Variants in CFAP299 observed in about 807,000 individuals in gnomAD.
CFAP299 encodes cilia and flagella associated protein 299, also known as cilia- and flagella-associated protein 299.
A neutral mutation model predicts 27.0 loss-of-function variants in CFAP299; 21 were observed. That is an observed-to-expected ratio of 0.78 (90% CI 0.55 to 1.12). The LOEUF (loss-of-function observed/expected upper bound fraction) is 1.12, where lower values mean the gene tolerates loss of function less well. Ranked by LOEUF, CFAP299 falls within the 50% of genes most tolerant of loss-of-function variation. The pLI, the probability that CFAP299 is intolerant of heterozygous loss-of-function variation, is 0.00. For synonymous variants in CFAP299, 104 were observed against 98.1 expected, an observed-to-expected ratio of 1.06 and a Z score of -0.36; for missense variants, 310 against 276.6, an observed-to-expected ratio of 1.12 and a Z score of -0.86.
rs114952113 is a variant in CFAP299 at position 80,685,244 on chromosome 4, A to G, written c.333+102061A>G. Among the ~76,000 whole-genome samples the G allele has an allele frequency of 5.8e-3, 880 of 152,236 alleles. 6 individuals carry two copies. Among genetic ancestry groups the G allele is most frequent in the African/African-American group, 0.02 (821 of 41,538 alleles). On this transcript the variant is annotated intron_variant, in intron 3 of 5. Coordinates refer to ENST00000358105, the MANE Select transcript of CFAP299 (RefSeq NM_152770.3). ...TCTAAGAAGCTCTTGTTCAGTGAAT[A>G]TATTTTTTGGCTGTTATTAAATTTG...
chr4:80,485,082 A>G (rs1472970467), intron 2 of CFAP299, among the ~76,000 whole-genome samples: 2 of 152,104 alleles, frequency 1.3e-5, no homozygotes, highest in African/African-American at 2.4e-5. Context: ...GCTTAACATC[A>G]GTACGTGGAG....
intron 1 of CFAP299, among the ~76,000 whole-genome samples, chr4:80,342,127 C>T (rs916361340): frequency 8.6e-5 from 13 of 152,026 alleles, no homozygotes; most frequent in South Asian, 2.1e-4. Context: ...GAAAAAAGAA[C>T]GAAAAGGAAC....
intron 2 of CFAP299, among the ~76,000 whole-genome samples, chr4:80,370,152 T>C (rs1477610525): frequency 2.0e-5 from 3 of 152,030 alleles, no homozygotes; most frequent in Non-Finnish European, 4.4e-5. Context: ...GCAGGAGGAA[T>C]AGAAAGTTGG....
At chr4:80,353,837 A>T (rs1723126543) in intron 1 of CFAP299, among the ~76,000 whole-genome samples, 1 of 152,246 alleles carries the variant, frequency 6.6e-6, no homozygotes, top group Non-Finnish European at 1.5e-5. Context: ...ATTTCAAATC[A>T]GTGGAGAAAA....
chr4:80,486,372 G>A (rs1730820308), intron 2 of CFAP299, among the ~76,000 whole-genome samples: 1 of 152,054 alleles, frequency 6.6e-6, no homozygotes, highest in African/African-American at 2.4e-5. Flanking sequence ...AAAATGTGGG[G>A]GTTCTACTTA....
chr4:80,592,840 G>T (rs1736853360), intron 3 of CFAP299, among the ~76,000 whole-genome samples: 1 of 152,108 alleles, frequency 6.6e-6, no homozygotes, highest in African/African-American at 2.4e-5. Flanking sequence ...TGATTTTCCA[G>T]TTGAATATAA....
At chr4:80,931,753 C>T (rs1736631945) in intron 4 of CFAP299, among the ~76,000 whole-genome samples, 1 of 152,050 alleles carries the variant, frequency 6.6e-6, no homozygotes, top group Admixed American at 6.6e-5. Context: ...CACACGCACA[C>T]ACACACCCCT....
intron 3 of CFAP299, among the ~76,000 whole-genome samples, chr4:80,585,678 T>C (rs773184077): frequency 1.3e-5 from 2 of 152,122 alleles, no homozygotes; most frequent in South Asian, 4.1e-4. Context: ...GTTAATGTGA[T>C]CAGACATGCA....
At chr4:80,556,209 A>G (rs977600950) in intron 2 of CFAP299, among the ~76,000 whole-genome samples, 22 of 152,038 alleles carry the variant, frequency 1.4e-4, no homozygotes, top group African/African-American at 5.1e-4. Flanking sequence ...ACAATCTCCA[A>G]AGTTATCAGA....
chr4:80,933,532 T>C (rs573378787), intron 4 of CFAP299, among the ~76,000 whole-genome samples: 2 of 152,276 alleles, frequency 1.3e-5, no homozygotes, highest in South Asian at 4.1e-4. Context: ...CTTGATGTAA[T>C]ATAGACATTT....
chr4:80,654,536 A>G (rs1740459757), intron 3 of CFAP299, among the ~76,000 whole-genome samples: 1 of 152,160 alleles, frequency 6.6e-6, no homozygotes, highest in Admixed American at 6.6e-5. Flanking sequence ...ACATAACTGT[A>G]AGCATGTCCA....
chr4:80,848,879 T>A (rs979715848), intron 3 of CFAP299, among the ~76,000 whole-genome samples: 1 of 152,206 alleles, frequency 6.6e-6, no homozygotes, highest in Admixed American at 6.6e-5. Context: ...CTGGAAGTTG[T>A]TCTGGGTGAG....
intron 4 of CFAP299, among the ~76,000 whole-genome samples, chr4:80,904,483 T>A (rs941278135): frequency 2.0e-5 from 3 of 152,162 alleles, no homozygotes; most frequent in African/African-American, 7.2e-5. Context: ...TAATCTCAAC[T>A]TTTTTTCATA....
intron 4 of CFAP299, among the ~76,000 whole-genome samples, chr4:80,942,336 A>G (rs1448458669): frequency 1.3e-5 from 2 of 152,156 alleles, no homozygotes; most frequent in Non-Finnish European, 1.5e-5. Flanking sequence ...TTGGAATCCA[A>G]GTGGTCATTT....
intron 2 of CFAP299, among the ~76,000 whole-genome samples, chr4:80,415,238 T>A (rs991993263): frequency 3.9e-5 from 6 of 152,214 alleles, no homozygotes; most frequent in Non-Finnish European, 5.9e-5. Context: ...CTGGGTGAGC[T>A]AATGTGTGGT....
chr4:80,940,182 G>A (rs751793662), intron 4 of CFAP299, among the ~76,000 whole-genome samples: 1 of 151,532 alleles, frequency 6.6e-6, no homozygotes, highest in Admixed American at 6.6e-5. Flanking sequence ...AAGCCACTTA[G>A]TAGGATATAT....
intron 4 of CFAP299, among the ~76,000 whole-genome samples, chr4:80,920,736 C>G (rs1736001545): frequency 6.6e-6 from 1 of 152,084 alleles, no homozygotes; most frequent in Admixed American, 6.6e-5. Context: ...GGGGTAAGCT[C>G]TGGTCTCTGT....
intron 2 of CFAP299, among the ~76,000 whole-genome samples, chr4:80,496,578 A>G (rs1365133965): frequency 1.3e-5 from 2 of 152,150 alleles, no homozygotes; most frequent in Non-Finnish European, 2.9e-5. Flanking sequence ...TGATCTTCCT[A>G]GCTTCTGAGC....
intron 2 of CFAP299, among the ~76,000 whole-genome samples, chr4:80,400,795 T>C (rs1178588839): frequency 6.6e-6 from 1 of 152,196 alleles, no homozygotes; most frequent in Non-Finnish European, 1.5e-5. Flanking sequence ...TGGAACAGTT[T>C]GGAGGGCTCA....
Sources: allele counts gnomAD v4.1 joint callset (sites outside exome capture counted in the v4.1 genomes callset), GRCh38; gene constraint gnomAD v4.1.1; transcripts MANE v1.5; gene names NCBI Gene and HGNC (gene_info 2026-07-23, HGNC 2026-07-21).